Variants in RNF4 observed in about 807,000 individuals in gnomAD.
RNF4 encodes ring finger protein 4.
Under a neutral mutation model 24.3 loss-of-function variants are expected in RNF4, and 7 were observed. The observed-to-expected ratio is 0.29, with a 90% CI of 0.16 to 0.54. RNF4 has a LOEUF of 0.54. RNF4 is among the 20% of genes least tolerant of loss of function. RNF4 has a pLI of 0.95. For synonymous variants in RNF4, 83 were observed against 84.3 expected (o/e 0.98, Z 0.09); for missense variants, 209 against 248.5 (o/e 0.84, Z 1.07).
Position 2,513,894 on chromosome 4 carries a change from T to A in RNF4, c.*75T>A. On this transcript the variant is annotated 3_prime_UTR_variant, in exon 8 of 8. Coordinates refer to ENST00000314289, the MANE Select transcript of RNF4 (RefSeq NM_002938.5). ...TTCTCCAGTGGTATCTGCCTCCATT[T>A]TCCTGAGATCAAAAAGACTGTTTCG... The A allele has an allele frequency of 6.3e-6, 10 of 1,587,350 alleles. No individual in the cohort carries two copies. Among genetic ancestry groups the A allele is most frequent in the Non-Finnish European group, 7.7e-6 (9 of 1,161,310 alleles).
Position 2,490,411 on chromosome 4 carries a change from G to A in RNF4, c.-83G>A, listed in dbSNP as rs756900729. 3.0e-4 allele frequency: 425 copies of A among 1,424,046 alleles called. No individual in the cohort carries two copies. Among genetic ancestry groups the A allele is most frequent in the Non-Finnish European group, 3.9e-4 (403 of 1,023,764 alleles). The allele number at this position is 1,424,046 out of a possible 1,614,324, so 88.2% of individuals were successfully genotyped here. ...AGATGAGTAACCAGAGGGCATGAAA[G>A]GTTGAGAACATTTGACTTCCCTGCA... On this transcript the variant is annotated 5_prime_UTR_variant, in exon 2 of 8. Transcript: ENST00000314289.
chr4:2,505,742 T>C (rs1351036942), intron 4 of RNF4: 1 of 136,672 alleles, frequency 7.3e-6, no homozygotes, highest in Non-Finnish European at 1.6e-5. Context: ...TTTTTTTTTT[T>C]TTTTTTTTTT....
intron 3 of RNF4, among the ~76,000 whole-genome samples, chr4:2,498,512 A>G (rs1451844092): frequency 6.6e-6 from 1 of 152,166 alleles, no homozygotes; most frequent in Non-Finnish European, 1.5e-5. Context: ...GTAAGAGCCC[A>G]GAATTGTGTT....
chr4:2,493,467 G>C (rs1421069795), intron 2 of RNF4, among the ~76,000 whole-genome samples: 1 of 152,140 alleles, frequency 6.6e-6, no homozygotes, highest in African/African-American at 2.4e-5. Flanking sequence ...ATGGAGGTCT[G>C]CTTAGCAGTG....
chr4:2,504,768 CACCCAGGCT>C (rs1280757124), intron 4 of RNF4, among the ~76,000 whole-genome samples: 1 of 116,750 alleles, frequency 8.6e-6, no homozygotes, highest in Non-Finnish European at 1.7e-5. Flanking sequence ...CTCACTCTGT[CACCCAGGCT>C]GGAGTGCAGT....
Position 2,469,212 on chromosome 4 carries a change from G to A in RNF4, c.-204G>A, listed in dbSNP as rs1389441234. On this transcript the variant is annotated 5_prime_UTR_variant, in exon 1 of 8. Coordinates refer to ENST00000314289, the MANE Select transcript of RNF4 (RefSeq NM_002938.5). ...GGAGTGCGCCGGCGGTGGCGCCTGCGGACCTAACTAGCTCCAGGTTAGGCC... is the reference window on the plus strand; with the variant it reads ...GGAGTGCGCCGGCGGTGGCGCCTGCAGACCTAACTAGCTCCAGGTTAGGCC... 1 of 152,178 alleles carries A rather than the reference G, an allele frequency of 6.6e-6. No individual in the cohort carries two copies. Among genetic ancestry groups the A allele is most frequent in the African/African-American group, 2.4e-5 (1 of 41,436 alleles). The allele number at this position is 152,178 out of a possible 1,614,324, so 9.4% of individuals were successfully genotyped here.
intron 5 of RNF4, 35 bp downstream of exon 5, chr4:2,512,000 G>C (rs1206882088): frequency 1.6e-5 from 26 of 1,599,384 alleles, no homozygotes; most frequent in Non-Finnish European, 2.2e-5. Flanking sequence ...ACTGGGTTTG[G>C]AGAGGAAACT....
chr4:2,509,639 A>C (rs1156836132), intron 4 of RNF4, among the ~76,000 whole-genome samples: 1 of 152,106 alleles, frequency 6.6e-6, no homozygotes, highest in Non-Finnish European at 1.5e-5. Context: ...TATGCACCCC[A>C]GTAGTTGTGT....
chr4:2,505,080 A>G (rs1163346002), intron 4 of RNF4: 9 of 151,894 alleles, frequency 5.9e-5, no homozygotes. Context: ...AACTTTTTTC[A>G]TCATAAATAG....
intron 3 of RNF4, 103 bp downstream of exon 3, chr4:2,497,224 C>A: frequency 1.3e-6 from 1 of 745,296 alleles, no homozygotes. Context: ...TTTAGAAGGC[C>A]TATGCAGTCT....
At chr4:2,500,913 T>C (rs1043252059) in intron 4 of RNF4, among the ~76,000 whole-genome samples, 175 bp downstream of exon 4, 2 of 152,162 alleles carry the variant, frequency 1.3e-5, no homozygotes, top group Non-Finnish European at 2.9e-5. Context: ...ACAATAATAA[T>C]AACAAAGAAG....
intron 4 of RNF4, chr4:2,505,534 C>A (rs1484634917): frequency 6.7e-6 from 1 of 150,044 alleles, no homozygotes; most frequent in Non-Finnish European, 1.5e-5. Flanking sequence ...ACCATGTTAG[C>A]CAGGATGGTC....
chr4:2,488,301 T>C (rs1293716140), intron 1 of RNF4, among the ~76,000 whole-genome samples: 1 of 152,114 alleles, frequency 6.6e-6, no homozygotes, highest in Non-Finnish European at 1.5e-5. Context: ...CCATCTCTAC[T>C]AAAAGTAGAA....
chr4:2,476,279 C>T (rs1261570333), intron 1 of RNF4, among the ~76,000 whole-genome samples: 1 of 152,190 alleles, frequency 6.6e-6, no homozygotes, highest in Non-Finnish European at 1.5e-5. Context: ...TAAGTACCTT[C>T]TTGATGTCTT....
intron 3 of RNF4, among the ~76,000 whole-genome samples, chr4:2,499,815 T>C (rs1222283053): frequency 2.0e-5 from 3 of 152,164 alleles, no homozygotes; most frequent in African/African-American, 7.2e-5. Flanking sequence ...ATCACTGTTA[T>C]TCTCCATCCA....
chr4:2,493,873 G>T (rs906253923), intron 2 of RNF4, among the ~76,000 whole-genome samples: 11 of 151,414 alleles, frequency 7.3e-5, no homozygotes, highest in African/African-American at 2.7e-4. Context: ...ACAGAGTCTT[G>T]CTCTGTCGCC....
intron 1 of RNF4, among the ~76,000 whole-genome samples, chr4:2,481,366 C>T (rs945938103): frequency 2.6e-5 from 4 of 152,084 alleles, no homozygotes; most frequent in Non-Finnish European, 4.4e-5. Flanking sequence ...TGGGTTTTTG[C>T]ATAGCAAGAT....
At chr4:2,487,446 C>T (rs1050207974) in intron 1 of RNF4, among the ~76,000 whole-genome samples, 4 of 152,106 alleles carry the variant, frequency 2.6e-5, no homozygotes, top group African/African-American at 9.7e-5. Flanking sequence ...CCACCACACC[C>T]GGCTAATTTT....
At chr4:2,472,746 T>A (rs1373211743) in intron 1 of RNF4, among the ~76,000 whole-genome samples, 1 of 151,878 alleles carries the variant, frequency 6.6e-6, no homozygotes, top group Non-Finnish European at 1.5e-5. Flanking sequence ...CTAGATACCA[T>A]TAAGAATATT....
Sources: gnomAD v4.1 joint callset for allele counts (sites outside exome capture counted in the v4.1 genomes callset) on GRCh38, gnomAD v4.1.1 for gene constraint, MANE v1.5 for transcripts, NCBI Gene and HGNC (gene_info 2026-07-23, HGNC 2026-07-21) for gene names.